SPOCK3: variants seen among roughly 807,000 people sequenced by gnomAD.
The protein encoded by SPOCK3 is SPARC (osteonectin), cwcv and kazal like domains proteoglycan 3.
SPOCK3 carries 30 observed loss-of-function variants against 56.6 expected under a neutral mutation model. The observed-to-expected ratio is 0.53, with a 90% CI of 0.40 to 0.72. The LOEUF (loss-of-function observed/expected upper bound fraction) is 0.72. Ranked by LOEUF, SPOCK3 falls within the 30% of genes least tolerant of loss-of-function variation. The pLI is 0.00. For synonymous variants in SPOCK3, 196 were observed against 183.3 expected (o/e 1.07, Z -0.56); for missense variants, 527 against 530.0 (o/e 0.99, Z 0.06).
chr4:167,157,016 T>C (rs984078277), intron 2 of SPOCK3, among the ~76,000 whole-genome samples: 1 of 152,114 alleles, frequency 6.6e-6, no homozygotes, highest in African/African-American at 2.4e-5. Context: ...CATTAAGTTT[T>C]ACTTGCAAAA....
chr4:166,782,269 C>A (rs915108720), intron 7 of SPOCK3, among the ~76,000 whole-genome samples: 4 of 152,060 alleles, frequency 2.6e-5, no homozygotes, highest in African/African-American at 9.7e-5. Flanking sequence ...AAGAGTTCAA[C>A]AAGAAGATAC....
chr4:166,984,034 A>T (rs997384714), intron 4 of SPOCK3, among the ~76,000 whole-genome samples: 23 of 152,096 alleles, frequency 1.5e-4, no homozygotes, highest in Non-Finnish European at 2.7e-4. Flanking sequence ...AACCTAAAAA[A>T]TAATAAAATA....
chr4:166,750,072 C>T (rs1337429567), intron 8 of SPOCK3, among the ~76,000 whole-genome samples: 1 of 152,060 alleles, frequency 6.6e-6, no homozygotes, highest in African/African-American at 2.4e-5. Flanking sequence ...TGCCTACCAG[C>T]GTTACAAGCT....
At chr4:166,992,143 C>T (rs1239491356) in intron 4 of SPOCK3, among the ~76,000 whole-genome samples, 1 of 151,818 alleles carries the variant, frequency 6.6e-6, no homozygotes. Flanking sequence ...AAAATATTCC[C>T]ATTTGGAGGT....
intron 2 of SPOCK3, among the ~76,000 whole-genome samples, chr4:167,213,451 G>T (rs1055947256): frequency 6.6e-6 from 1 of 152,060 alleles, no homozygotes; most frequent in African/African-American, 2.4e-5. Context: ...AAAAGGTTAT[G>T]TGATATTATA....
rs758598485 is a variant in SPOCK3 at position 166,734,662 on chromosome 4, T to A, written c.*259A>T. The A allele has an allele frequency of 9.7e-5, 30 of 309,312 alleles. No homozygotes were observed. The highest frequency in any genetic ancestry group is 1.5e-4 in the Non-Finnish European group (26 of 171,274). The allele number at this position is 309,312 out of a possible 1,614,324, so 19.2% of individuals were successfully genotyped here. ...TGTTCTCGTGAAAAACTTATTATAG[T>A]AGCACTTCAAAACTTTATTTTGTCT... On this transcript the variant is annotated 3_prime_UTR_variant, in exon 11 of 11. Transcript: ENST00000357545.
At chr4:167,011,329 G>T (rs771059604) in intron 3 of SPOCK3, 3 of 455,448 alleles carry the variant, frequency 6.6e-6, no homozygotes, top group African/African-American at 2.0e-5. Flanking sequence ...TTGATTCAGG[G>T]GTTGTTGCCT....
chr4:167,104,239 A>AAGG (rs1759903216), intron 2 of SPOCK3, among the ~76,000 whole-genome samples: 1 of 152,172 alleles, frequency 6.6e-6, no homozygotes, highest in African/African-American at 2.4e-5. Flanking sequence ...CGAACTAAAT[A>AAGG]AGGCACCAAA....
At chr4:166,834,110 G>C (rs1355068626) in intron 6 of SPOCK3, among the ~76,000 whole-genome samples, 1 of 152,128 alleles carries the variant, frequency 6.6e-6, no homozygotes, top group Non-Finnish European at 1.5e-5. Context: ...TTCCCCCAGA[G>C]ACTTAACACT....
chr4:166,966,635 A>C (rs1303531591), intron 4 of SPOCK3, among the ~76,000 whole-genome samples: 1 of 152,172 alleles, frequency 6.6e-6, no homozygotes, highest in African/African-American at 2.4e-5. Flanking sequence ...AATGACTACA[A>C]TCATCGTTTG....
At chr4:166,837,430 A>G (rs1380434956) in intron 6 of SPOCK3, among the ~76,000 whole-genome samples, 2 of 152,072 alleles carry the variant, frequency 1.3e-5, no homozygotes, top group African/African-American at 2.4e-5. Context: ...CAGTCTCCCA[A>G]AATACTGGGA....
intron 6 of SPOCK3, among the ~76,000 whole-genome samples, chr4:166,819,769 G>T (rs999502390): frequency 2.0e-5 from 3 of 151,526 alleles, no homozygotes; most frequent in Non-Finnish European, 4.4e-5. Context: ...TGGAGACAAG[G>T]TCTTACTGTG....
intron 2 of SPOCK3, among the ~76,000 whole-genome samples, chr4:167,144,047 G>A (rs1443511032): frequency 6.6e-6 from 1 of 151,994 alleles, no homozygotes; most frequent in Non-Finnish European, 1.5e-5. Flanking sequence ...GAATACAACT[G>A]AGTCAAACGA....
chr4:167,051,599 G>T (rs1423986456), intron 3 of SPOCK3, among the ~76,000 whole-genome samples: 1 of 152,190 alleles, frequency 6.6e-6, no homozygotes, highest in Non-Finnish European at 1.5e-5. Flanking sequence ...ACCCAATGAA[G>T]TCTTCATCTG....
At chr4:166,991,664 C>T (rs545173022) in intron 4 of SPOCK3, among the ~76,000 whole-genome samples, 112 of 152,174 alleles carry the variant, frequency 7.4e-4, no homozygotes, top group African/African-American at 2.7e-3. Context: ...GCCACCAGTG[C>T]CCAGTCCATA....
intron 2 of SPOCK3, among the ~76,000 whole-genome samples, chr4:167,066,263 TC>T (rs1756121000): frequency 6.6e-6 from 1 of 151,846 alleles, no homozygotes; most frequent in African/African-American, 2.4e-5. Flanking sequence ...GCCAGATAAT[TC>T]TTCGTTGTGT....
At chr4:167,109,376 ATATAAAATATATAAATATATATT>A (rs1439885182) in intron 2 of SPOCK3, among the ~76,000 whole-genome samples, 5 of 25,840 alleles carry the variant, frequency 1.9e-4, no homozygotes, top group Admixed American at 1.0e-3. Flanking sequence ...ATATATATTT[ATATAAAATATATAAATATATATT>A]TATATATAAA....
At chr4:166,833,307 T>C (rs1005338342) in intron 6 of SPOCK3, among the ~76,000 whole-genome samples, 14 of 151,992 alleles carry the variant, frequency 9.2e-5, no homozygotes, top group Admixed American at 3.9e-4. Context: ...TTAAAAAGAG[T>C]GTGTATTTTG....
At chr4:166,842,147 G>A (rs6829321) in intron 6 of SPOCK3, among the ~76,000 whole-genome samples, 150,750 of 152,338 alleles carry the variant, frequency 0.99, 74,596 homozygotes, top group East Asian at 1. Context: ...ATAGCTCATA[G>A]AGGCAGTGCG....
Sources: allele counts gnomAD v4.1 joint callset (sites outside exome capture counted in the v4.1 genomes callset), GRCh38; gene constraint gnomAD v4.1.1; transcripts MANE v1.5; gene names NCBI Gene and HGNC (gene_info 2026-07-23, HGNC 2026-07-21).